SLAMF7: variants seen among roughly 807,000 people sequenced by gnomAD.
SLAMF7 encodes the protein SLAM family member 7.
Under a neutral mutation model 34.1 loss-of-function variants are expected in SLAMF7, and 26 were observed. The ratio of observed to expected loss-of-function variants is 0.76; its 90% CI spans 0.56 to 1.06. The LOEUF is 1.06. SLAMF7 is among the 50% of genes least tolerant of loss of function. The pLI is 0.00. For missense variants in SLAMF7, 399 were observed against 402.5 expected, an observed-to-expected ratio of 0.99 and a Z score of 0.07; for synonymous variants, 171 against 156.4, an observed-to-expected ratio of 1.09 and a Z score of -0.70.
At chr1:160,739,399 T>C in intron 1 of SLAMF7, 43 bp downstream of exon 1, 2 of 1,556,130 alleles carry the variant, frequency 1.3e-6, no homozygotes, top group Non-Finnish European at 1.8e-6. Context: ...GTCTACCCCA[T>C]CCTGAATAGT....
At chr1:160,751,693 G>A in intron 5 of SLAMF7, 1 of 437,444 alleles carries the variant, frequency 2.3e-6, no homozygotes, top group Non-Finnish European at 4.1e-6. Flanking sequence ...GAAATCACCT[G>A]CTCCCCTCCA....
At position 160,750,319 on chromosome 1, in the gene SLAMF7, C is replaced by T. The variant is rs760696117; in HGVS notation, c.665C>T (p.Pro222Leu). 12 of 1,613,930 alleles carry T rather than the reference C, an allele frequency of 7.4e-6. No individual in the cohort carries two copies. The East Asian group carries it at 2.7e-4, about 36-fold the overall frequency. ...RKLCEGAADD[P>L]DSSMVLLCLL... ...TTCTCTGAAGGTGCTGCTGATGACC[C>T]AGATTCCTCCATGGTCCTCCTGTGT... The change falls in exon 4 of 7, where the codon CCA becomes CTA. Residue 222 changes from proline (P) to leucine (L), a missense_variant. Physicochemically the swap from Pro to Leu is moderately conservative, Grantham distance 98. Transcript: ENST00000368043.
At chr1:160,739,130 G>T, upstream of SLAMF7, 1 of 665,200 alleles carries the variant, frequency 1.5e-6, no homozygotes, top group Non-Finnish European at 2.7e-6. Flanking sequence ...ATAGATTGCT[G>T]GTGGCAAGGT....
At position 160,750,019 on chromosome 1, in the gene SLAMF7, C is replaced by G. The variant is rs536535169; in HGVS notation, c.575C>G (p.Thr192Ser). 2.5e-5 allele frequency: 40 copies of G among 1,613,998 alleles called. No individual in the cohort carries two copies. In the Admixed American group the frequency reaches 6.2e-4, roughly 25 times the overall value. Reference sequence around the variant, plus strand: ...TGGAGATGGGGAGAAAGTGATATGACCTTCATCTGCGTTGCCAGGAACCCT... The same window carrying G: ...TGGAGATGGGGAGAAAGTGATATGAGCTTCATCTGCGTTGCCAGGAACCCT... ...ISWRWGESDM[T>S]FICVARNPVS... Residue 192 changes from threonine (T) to serine (S), a missense_variant, in exon 3 of 7, where the codon ACC becomes AGC. Transcript: ENST00000368043.
rs539706011 is a variant in SLAMF7 at position 160,751,342 on chromosome 1, T to C, written c.770-3T>C. 12 of 1,610,930 alleles carry C rather than the reference T, an allele frequency of 7.4e-6. No individual in the cohort carries two copies. In the African/African-American group the frequency reaches 1.3e-4, roughly 18 times the overall value. ...CTTTGATTCTCTCCCAACTTGCTTTTAGAGTACATTGAAGAGAAGAAGAGA... is the reference window on the plus strand; with the variant it reads ...CTTTGATTCTCTCCCAACTTGCTTTCAGAGTACATTGAAGAGAAGAAGAGA... On this transcript the variant is annotated splice_polypyrimidine_tract_variant and splice_region_variant and intron_variant, in intron 4 of 6. Transcript: ENST00000368043.
rs1199869313 is a variant in SLAMF7 at position 160,750,318 on chromosome 1, C to T, written c.664C>T (p.Pro222Ser). The T allele has an allele frequency of 4.3e-6, 7 of 1,614,040 alleles. No homozygotes were observed. The highest frequency in any genetic ancestry group is 5.1e-6 in the Non-Finnish European group (6 of 1,179,920). Residue 222 changes from proline (P) to serine (S), a missense_variant, in exon 4 of 7, where the codon CCA (proline) becomes TCA (serine). By Grantham distance (74) the Pro-to-Ser change is moderately conservative. Transcript: ENST00000368043. Reference protein sequence around the residue: ...RKLCEGAADDPDSSMVLLCLL... With the variant: ...RKLCEGAADDSDSSMVLLCLL... ...ATTCTCTGAAGGTGCTGCTGATGAC[C>T]CAGATTCCTCCATGGTCCTCCTGTG...
At chr1:160,739,974 T>C (rs1663598709) in intron 1 of SLAMF7, among the ~76,000 whole-genome samples, 1 of 152,136 alleles carries the variant, frequency 6.6e-6, no homozygotes, top group Admixed American at 6.5e-5. Context: ...GATTTTTCTA[T>C]CCTAAGGGCT....
At chr1:160,740,053 C>A (rs534150295) in intron 1 of SLAMF7, among the ~76,000 whole-genome samples, 1 of 152,074 alleles carries the variant, frequency 6.6e-6, no homozygotes, top group Non-Finnish European at 1.5e-5. Context: ...GGAGTACTAC[C>A]ATGAGGTCCC....
chr1:160,752,984 C>A, intron 6 of SLAMF7, 122 bp from the exon 7 acceptor site: 1 of 775,730 alleles, frequency 1.3e-6, no homozygotes, highest in Non-Finnish European at 2.2e-6. Context: ...TGGGAGCCAG[C>A]ATGCCAGCCG....
chr1:160,743,144 G>C (rs1040677214), intron 1 of SLAMF7, among the ~76,000 whole-genome samples: 1 of 152,166 alleles, frequency 6.6e-6, no homozygotes. Context: ...TATATGCAGC[G>C]ACCACCAAGG....
At position 160,748,129 on chromosome 1, in the gene SLAMF7, G is replaced by A; in HGVS notation, c.56-65G>A. 2.6e-6 allele frequency: 4 copies of A among 1,531,758 alleles called. No individual in the cohort carries two copies. In the South Asian group the frequency reaches 3.7e-5, roughly 14 times the overall value. The allele number at this position is 1,531,758 out of a possible 1,614,324, so 94.9% of individuals were successfully genotyped here. A position where few individuals can be genotyped will look rare whatever the true frequency, so the allele number is the denominator to read the frequency against. On this transcript the variant is annotated intron_variant, in intron 1 of 6. Transcript: ENST00000368043. ...TTCTCAGATCTCTCCAGGACCCAAA[G>A]GGGGTGAGTAATTGGTGACAAGGAC...
chr1:160,739,061 A>G, upstream of SLAMF7: 1 of 541,792 alleles, frequency 1.8e-6, no homozygotes, highest in Non-Finnish European at 3.3e-6. Flanking sequence ...TAAAACAGCT[A>G]AAATATAAAA....
chr1:160,752,156 T>G, intron 5 of SLAMF7, 30 bp from the exon 6 acceptor site: 1 of 1,585,908 alleles, frequency 6.3e-7, no homozygotes, highest in African/African-American at 1.3e-5. Flanking sequence ...TGGGTGATGA[T>G]TTCTTTTGTT....
At chr1:160,744,372 G>C (rs1663973663) in intron 1 of SLAMF7, among the ~76,000 whole-genome samples, 1 of 152,036 alleles carries the variant, frequency 6.6e-6, no homozygotes. Flanking sequence ...GAATGGCATG[G>C]AGCTACTGTT....
At chr1:160,743,993 C>G (rs1052845154) in intron 1 of SLAMF7, among the ~76,000 whole-genome samples, 1 of 152,178 alleles carries the variant, frequency 6.6e-6, no homozygotes, top group African/African-American at 2.4e-5. Flanking sequence ...CCAGCATCTT[C>G]CCTTTCCATA....
At chr1:160,751,490 T>G in intron 5 of SLAMF7, 42 bp downstream of exon 5, 2 of 1,500,656 alleles carry the variant, frequency 1.3e-6, no homozygotes, top group Non-Finnish European at 1.9e-6. Flanking sequence ...ATCCTGTCTC[T>G]GAGGCTCTCC....
At chr1:160,751,061 C>A in intron 4 of SLAMF7, 1 of 388,168 alleles carries the variant, frequency 2.6e-6, no homozygotes, top group South Asian at 2.6e-5. Context: ...TCCCTTCCCT[C>A]CTGGAAGCCC....
rs776713212 is a variant in SLAMF7, at chr1:160,749,911, G to A, written c.467G>A (p.Gly156Glu). The A allele has an allele frequency of 1.2e-6, 2 of 1,614,112 alleles. No homozygotes were observed. Among genetic ancestry groups the A allele is most frequent in the South Asian group, 2.2e-5 (2 of 91,080 alleles). ...VTNLTCCMEH[G>E]EEDVIYTWKA... Reference sequence around the variant, plus strand: ...AATCTGACATGCTGCATGGAACATGGGGAAGAGGATGTGATTTATACCTGG... The same window carrying A: ...AATCTGACATGCTGCATGGAACATGAGGAAGAGGATGTGATTTATACCTGG... The change falls in exon 3 of 7, where the codon GGG (glycine) becomes GAG (glutamate). Residue 156 changes from glycine (G) to glutamate (E), a missense_variant. Gly to Glu is a moderately conservative substitution (Grantham distance 98). Transcript: ENST00000368043.
intron 3 of SLAMF7, 81 bp downstream of exon 3, chr1:160,750,174 C>G: frequency 6.3e-7 from 1 of 1,578,110 alleles, no homozygotes; most frequent in Non-Finnish European, 8.6e-7. Flanking sequence ...TGGGAACAGA[C>G]ACTGTATGGA....
Sources: gnomAD v4.1 joint callset for allele counts (sites outside exome capture counted in the v4.1 genomes callset) on GRCh38, gnomAD v4.1.1 for gene constraint, MANE v1.5 for transcripts, NCBI Gene and HGNC (gene_info 2026-07-23, HGNC 2026-07-21) for gene names.